Variants in ROBO2 observed in about 807,000 individuals in gnomAD.
The protein encoded by ROBO2 is roundabout guidance receptor 2, also known as roundabout homolog 2.
A neutral mutation model predicts 160.8 loss-of-function variants in ROBO2; 53 were observed. The ratio of observed to expected loss-of-function variants is 0.33; its 90% CI spans 0.26 to 0.41. The LOEUF (loss-of-function observed/expected upper bound fraction) is 0.41, where lower values mean the gene tolerates loss of function less well. Ranked by LOEUF, ROBO2 falls within the 10% of genes least tolerant of loss-of-function variation. The probability of loss-of-function intolerance (pLI) is 1.00; values close to 1 mark genes in which losing one functional copy is unlikely to be tolerated. For missense variants in ROBO2, 1,577 were observed against 1,722.4 expected (o/e 0.92, Z 1.49); for synonymous variants, 664 against 611.7 (o/e 1.09, Z -1.26).
intron 2 of ROBO2, among the ~76,000 whole-genome samples, chr3:75,974,714 C>T (rs1383653985): frequency 6.6e-6 from 1 of 151,412 alleles, no homozygotes; most frequent in Non-Finnish European, 1.5e-5. Flanking sequence ...TTTAGTTTTA[C>T]AAGAGATTTA....
At chr3:76,324,006 T>C (rs926395476) in intron 2 of ROBO2, among the ~76,000 whole-genome samples, 1 of 152,188 alleles carries the variant, frequency 6.6e-6, no homozygotes, top group Non-Finnish European at 1.5e-5. Flanking sequence ...TGAGAAATGG[T>C]AGAAGTTCTA....
intron 2 of ROBO2, among the ~76,000 whole-genome samples, chr3:76,697,290 C>T (rs1379793495): frequency 1.3e-5 from 2 of 152,072 alleles, no homozygotes; most frequent in Non-Finnish European, 2.9e-5. Context: ...TTAATCAAGA[C>T]AATATGTGAA....
chr3:76,361,226 T>G (rs2075499718), intron 2 of ROBO2, among the ~76,000 whole-genome samples: 1 of 152,094 alleles, frequency 6.6e-6, no homozygotes, highest in Non-Finnish European at 1.5e-5. Context: ...CAAGGGTAGC[T>G]TGGTCTACTC....
At chr3:76,468,040 C>A (rs983776475) in intron 2 of ROBO2, among the ~76,000 whole-genome samples, 5 of 152,036 alleles carry the variant, frequency 3.3e-5, no homozygotes, top group African/African-American at 4.8e-5. Context: ...TAGAAATTGT[C>A]ATTTACAAAA....
intron 2 of ROBO2, among the ~76,000 whole-genome samples, chr3:77,112,553 C>A (rs2073766897): frequency 6.6e-6 from 1 of 151,948 alleles, no homozygotes; most frequent in Admixed American, 6.6e-5. Context: ...CGAGAAAGAT[C>A]AAGGATTTAA....
In ROBO2 at chr3:76,522,235, A is replaced by T. The variant is rs535131573; in HGVS notation, c.110-575779A>T. On this transcript the variant is annotated intron_variant, in intron 2 of 26. Transcript: ENST00000487694. ...TTCAGCATTGGCCCAAGTGCAACAT[A>T]GAGTAATTAGAGAAGTAAATCTATT... is the stretch of plus-strand genomic sequence containing the variant. Among the ~76,000 whole-genome samples the T allele has an allele frequency of 3.3e-5, 5 of 152,322 alleles. 1 individual carries two copies. In the South Asian group the frequency reaches 1.0e-3, roughly 32 times the overall value.
intron 2 of ROBO2, among the ~76,000 whole-genome samples, chr3:76,010,108 G>T (rs911696727): frequency 6.6e-6 from 1 of 152,196 alleles, no homozygotes; most frequent in Non-Finnish European, 1.5e-5. Flanking sequence ...CTCCAAGTAT[G>T]TCTTTAAAAC....
At chr3:77,318,141 G>A (rs2064261092) in intron 2 of ROBO2, among the ~76,000 whole-genome samples, 2 of 151,916 alleles carry the variant, frequency 1.3e-5, no homozygotes, top group South Asian at 2.1e-4. Flanking sequence ...TCCGCCTCCC[G>A]AGTTCAAGCG....
At chr3:76,411,960 TGTATTA>T (rs2075510421) in intron 2 of ROBO2, among the ~76,000 whole-genome samples, 1 of 151,850 alleles carries the variant, frequency 6.6e-6, no homozygotes, top group South Asian at 2.1e-4. Flanking sequence ...GAAAATGCCT[TGTATTA>T]GTCCATTTTC....
chr3:76,992,379 T>C (rs984033427), intron 2 of ROBO2, among the ~76,000 whole-genome samples: 2 of 137,514 alleles, frequency 1.5e-5, no homozygotes, highest in East Asian at 4.1e-4. Context: ...AAATTTAGCT[T>C]TTGTAAAAAA....
chr3:76,732,207 G>C (rs774605), intron 2 of ROBO2, among the ~76,000 whole-genome samples: 28,258 of 152,066 alleles, frequency 0.19, 2,737 homozygotes, highest in Non-Finnish European at 0.22. Context: ...AAGTAAAGGA[G>C]AGTGTTTGGT....
At chr3:76,802,413 G>A (rs1284387045) in intron 2 of ROBO2, among the ~76,000 whole-genome samples, 1 of 152,110 alleles carries the variant, frequency 6.6e-6, no homozygotes, top group African/African-American at 2.4e-5. Flanking sequence ...AGATAATGGG[G>A]TCCTTAAAAC....
chr3:76,568,682 A>G (rs1436548944), intron 2 of ROBO2, among the ~76,000 whole-genome samples: 1 of 152,126 alleles, frequency 6.6e-6, no homozygotes, highest in East Asian at 1.9e-4. Flanking sequence ...CACCTATTAC[A>G]GTCATCATTA....
intron 2 of ROBO2, among the ~76,000 whole-genome samples, chr3:76,128,829 T>C (rs76241897): frequency 6.6e-6 from 1 of 152,222 alleles, no homozygotes; most frequent in Non-Finnish European, 1.5e-5. Context: ...AATGTAGATG[T>C]ATGGTGCTCC....
chr3:76,794,884 C>A (rs1404868838), intron 2 of ROBO2, among the ~76,000 whole-genome samples: 1 of 151,886 alleles, frequency 6.6e-6, no homozygotes, highest in Non-Finnish European at 1.5e-5. Flanking sequence ...GTAATGACTA[C>A]CTCACATAAT....
chr3:76,990,484 A>G (rs1304358239), intron 2 of ROBO2, among the ~76,000 whole-genome samples: 6 of 152,160 alleles, frequency 3.9e-5, no homozygotes, highest in African/African-American at 9.7e-5. Context: ...TGATATTCAG[A>G]ATATAATTTG....
At chr3:76,032,530 G>A (rs959083356) in intron 2 of ROBO2, among the ~76,000 whole-genome samples, 1 of 152,192 alleles carries the variant, frequency 6.6e-6, no homozygotes, top group African/African-American at 2.4e-5. Flanking sequence ...TGCTTTAAGT[G>A]TGTCCCAGAA....
At chr3:77,477,261 A>C (rs2084123374) in intron 2 of ROBO2, 153 bp from the exon 3 acceptor site, 1 of 774,824 alleles carries the variant, frequency 1.3e-6, no homozygotes. Context: ...TGTTGGCTCC[A>C]GAATATTTTA....
intron 2 of ROBO2, among the ~76,000 whole-genome samples, chr3:76,304,760 T>C (rs1354272203): frequency 1.4e-5 from 2 of 142,142 alleles, no homozygotes; most frequent in East Asian, 4.9e-4. Context: ...CTTTCTTTCT[T>C]TCTTTCTTTC....
Sources: gnomAD v4.1 joint callset for allele counts (sites outside exome capture counted in the v4.1 genomes callset) on GRCh38, gnomAD v4.1.1 for gene constraint, MANE v1.5 for transcripts, NCBI Gene and HGNC (gene_info 2026-07-23, HGNC 2026-07-21) for gene names.